The following STAT6 variants were observed in gnomAD, a reference collection of about 807,000 sequenced individuals.
STAT6 encodes the protein STAT, interleukin4-induced.
Under a neutral mutation model 106.3 loss-of-function variants are expected in STAT6, and 45 were observed. That is an observed-to-expected ratio of 0.42 (90% CI 0.33 to 0.54). The LOEUF is 0.54. Among genes scored for constraint, STAT6 ranks in the 20% least tolerant of loss-of-function variants. STAT6 has a pLI of 0.06. For synonymous variants in STAT6, 413 were observed against 413.6 expected, an observed-to-expected ratio of 1.00 and a Z score of 0.02; for missense variants, 797 against 1,062.2, an observed-to-expected ratio of 0.75 and a Z score of 3.47.
At position 57,106,515 on chromosome 12, in the gene STAT6, GC is replaced by G; in HGVS notation, c.531+12del. ...CTTTGACCAAGGTCTCCACCTGTCA[GC>G]CCATTACTCACCTCACTTGGCCCAG... On this transcript the variant is annotated intron_variant, in intron 6 of 21. Coordinates refer to ENST00000300134, the MANE Select transcript of STAT6 (RefSeq NM_003153.5). 6 of 1,614,016 alleles carry G rather than the reference GC, an allele frequency of 3.7e-6. No individual in the cohort carries two copies. Among genetic ancestry groups the G allele is most frequent in the Non-Finnish European group, 5.1e-6 (6 of 1,179,962 alleles).
chr12:57,096,388 A>G lies in STAT6; in HGVS notation c.*184T>C. 1.6e-6 allele frequency: 1 copy of G among 621,282 alleles called. No individual in the cohort carries two copies. Among genetic ancestry groups the G allele is most frequent in the Non-Finnish European group, 2.8e-6 (1 of 353,396 alleles). The allele number at this position is 621,282 out of a possible 1,614,324, so 38.5% of individuals were successfully genotyped here. A position where few individuals can be genotyped will look rare whatever the true frequency, so the allele number is the denominator to read the frequency against. On this transcript the variant is annotated 3_prime_UTR_variant, in exon 22 of 22. Transcript: ENST00000300134. ...GTGGGCAGGGGAATGATAGAAAGGA[A>G]GGAGTGGATTGGCTCCACCCACTGT...
In STAT6 at chr12:57,099,537, G is replaced by A; in HGVS notation, c.1745-97C>T. ...ACCTGTTCTCACTCCACCAAGGCAA[G>A]GGAGAGAGGACCTAGGGTGGGGCTC... is the stretch of plus-strand genomic sequence containing the variant. On this transcript the variant is annotated intron_variant, in intron 15 of 21. Coordinates refer to ENST00000300134, the MANE Select transcript of STAT6 (RefSeq NM_003153.5). The surrounding 1 kb of genome is among the most constrained non-coding windows in gnomAD (Gnocchi z 4.7). The A allele has an allele frequency of 6.5e-7, 1 of 1,546,908 alleles. No homozygotes were observed. The highest frequency in any genetic ancestry group is 8.8e-7 in the Non-Finnish European group (1 of 1,131,970).
Position 57,107,402 on chromosome 12 carries a change from T to C in STAT6, c.256-88A>G, listed in dbSNP as rs932952766. 5 of 1,383,034 alleles carry C rather than the reference T, an allele frequency of 3.6e-6. No individual in the cohort carries two copies. The African/African-American group carries it at 4.3e-5, about 12-fold the overall frequency. The allele number at this position is 1,383,034 out of a possible 1,614,324, so 85.7% of individuals were successfully genotyped here. A position where few individuals can be genotyped will look rare whatever the true frequency, so the allele number is the denominator to read the frequency against. ...ATCCCCAGGCCTGCATTCACACATA[T>C]ACTATAAGGAAGCACAACTGTAGAC... On this transcript the variant is annotated intron_variant, in intron 3 of 21. Coordinates refer to ENST00000300134, the MANE Select transcript of STAT6 (RefSeq NM_003153.5).
At chr12:57,110,229 C>T (rs1157721234) in intron 1 of STAT6, 1 of 152,402 alleles carries the variant, frequency 6.6e-6, no homozygotes, top group Non-Finnish European at 1.5e-5. Flanking sequence ...CCCTCTTCTT[C>T]CCCAGCCATC....
In STAT6 at chr12:57,099,571, G is replaced by C. The variant is rs993091961; in HGVS notation, c.1745-131C>G. The stretch of plus-strand genomic sequence containing the variant: ...GACCTAGGGTGGGGCTCCTGAGGGA[G>C]AGAGACCCACTAGTCTCCGTTCCCA... On this transcript the variant is annotated intron_variant, in intron 15 of 21. Coordinates refer to ENST00000300134, the MANE Select transcript of STAT6 (RefSeq NM_003153.5). The surrounding 1 kb of genome is among the most constrained non-coding windows in gnomAD (Gnocchi z 4.7). The C allele has an allele frequency of 1.7e-5, 24 of 1,399,606 alleles. No individual in the cohort carries two copies. The highest frequency in any genetic ancestry group is 2.3e-5 in the Non-Finnish European group (23 of 1,020,448). The allele number at this position is 1,399,606 out of a possible 1,614,324, so 86.7% of individuals were successfully genotyped here.
rs1057211124 is a variant in STAT6, at chr12:57,105,154, C to T, written c.998G>A (p.Gly333Glu). Residue 333 changes from glycine to glutamate, a missense_variant, in exon 9 of 22, where the codon GGA becomes GAA. Around this residue, in one of 4 missense-constraint regions of STAT6, gnomAD observed 336 missense variants for 429.8 expected, o/e 0.78. Transcript: ENST00000300134. ...CCCAGGTCCAATCCCAGCTTACGCT[C>T]CAGCCCCAGGACCCTGAGGCACACT... ...ELSVPQGPGA[G>E]AESTGEIINN... 1.2e-6 allele frequency: 2 copies of T among 1,609,986 alleles called. No individual in the cohort carries two copies. The highest frequency in any genetic ancestry group is 8.5e-7 in the Non-Finnish European group (1 of 1,177,728).
intron 13 of STAT6, 144 bp downstream of exon 13, chr12:57,102,146 G>A: frequency 2.3e-6 from 2 of 877,580 alleles, no homozygotes; most frequent in East Asian, 2.5e-5. Context: ...TTTCCTCCCT[G>A]GTCCATGACA....
In STAT6 at chr12:57,102,698, G is replaced by C. The variant is rs942416325; in HGVS notation, c.1305+131C>G. On this transcript the variant is annotated intron_variant, in intron 12 of 21. Coordinates refer to ENST00000300134, the MANE Select transcript of STAT6 (RefSeq NM_003153.5). The stretch of plus-strand genomic sequence containing the variant: ...GTGAAAAGAGGTCAGAAGCACGAAA[G>C]CAGGCCCATGAGAAAGTGTTAAGGT... 5.4e-5 allele frequency: 50 copies of C among 922,264 alleles called. No individual in the cohort carries two copies. The African/African-American group carries it at 7.9e-4, about 15-fold the overall frequency. 57.1% of individuals were successfully genotyped at this position (922,264 alleles called of 1,614,324 possible). A position where few individuals can be genotyped will look rare whatever the true frequency, so the allele number is the denominator to read the frequency against.
chr12:57,096,993 C>T lies in STAT6; in HGVS notation c.2226-15G>A, dbSNP rs751600272. On this transcript the variant is annotated splice_polypyrimidine_tract_variant and intron_variant, in intron 20 of 21. Transcript: ENST00000300134. ...GCAGCAGGCCCCTGCCAGGAACCAG[C>T]AATGGAAATAAGGAGAGCGGGGCAA... is the stretch of plus-strand genomic sequence containing the variant. The T allele has an allele frequency of 5.6e-6, 9 of 1,612,002 alleles. No individual in the cohort carries two copies. The East Asian group carries it at 6.7e-5, about 12-fold the overall frequency.
Position 57,106,277 on chromosome 12 carries a change from C to A in STAT6, c.594G>T (p.Leu198=), listed in dbSNP as rs2034272293. The A allele has an allele frequency of 6.2e-7, 1 of 1,614,142 alleles. No homozygotes were observed. The highest frequency in any genetic ancestry group is 1.3e-5 in the African/African-American group (1 of 74,954). The change falls in exon 7 of 22, where the codon CTG becomes CTT. Residue 198 remains leucine (L), a synonymous_variant. Coordinates refer to ENST00000300134, the MANE Select transcript of STAT6 (RefSeq NM_003153.5). Reference sequence around the variant, plus strand: ...GCCGTTTCCAAATCTGGATCCTCTTCAGCACTAGGGCTTTGGCTGCCTCTA... The same window carrying A: ...GCCGTTTCCAAATCTGGATCCTCTTAAGCACTAGGGCTTTGGCTGCCTCTA... ...GELEAAKALV[L]KRIQIWKRQQ... is the part of the protein sequence containing the mutation.
intron 1 of STAT6, among the ~76,000 whole-genome samples, chr12:57,108,540 G>C (rs2034411184): frequency 6.6e-6 from 1 of 152,256 alleles, no homozygotes; most frequent in African/African-American, 2.4e-5. Flanking sequence ...GAGGCAAAGG[G>C]AGACAGGGCA....
At chr12:57,102,755 C>A in intron 12 of STAT6, 74 bp downstream of exon 12, 2 of 1,264,920 alleles carry the variant, frequency 1.6e-6, no homozygotes, top group Non-Finnish European at 2.3e-6. Flanking sequence ...ACCACCCCAT[C>A]AGCAGGCCTG....
intron 10 of STAT6, 66 bp downstream of exon 10, chr12:57,104,660 C>T: frequency 6.2e-7 from 1 of 1,612,700 alleles, no homozygotes; most frequent in Non-Finnish European, 8.5e-7. Context: ...TTCCTGACAT[C>T]CTCTCCAAGG....
chr12:57,098,557 A>G lies in STAT6; in HGVS notation c.2107T>C (p.Tyr703His). 6.2e-7 allele frequency: 1 copy of G among 1,614,124 alleles called. No homozygotes were observed. Among genetic ancestry groups the G allele is most frequent in the Non-Finnish European group, 8.5e-7 (1 of 1,180,030 alleles). ...GATTCTTCTGGGGAGAGGCCTTGAT[A>G]CGGGGGGATGGAGTGAGAGTGTGGT... is the stretch of plus-strand genomic sequence containing the variant. The part of the protein sequence containing the change: ...YPPHSHSIPP[Y>H]QGLSPEESVN... Residue 703 changes from tyrosine to histidine, a missense_variant, in exon 19 of 22, where the codon TAT (tyrosine) becomes CAT (histidine). Tyr to His is a moderately conservative substitution (Grantham distance 83). Coordinates refer to ENST00000300134, the MANE Select transcript of STAT6 (RefSeq NM_003153.5).
intron 13 of STAT6, among the ~76,000 whole-genome samples, chr12:57,101,386 CTT>C (rs60908631): frequency 0.012 from 1,444 of 120,728 alleles, 8 homozygotes; most frequent in Middle Eastern, 0.019. Context: ...CACACCTAGC[CTT>C]TTTTTTTTTT....
rs776020496 is a variant in STAT6 at position 57,097,068 on chromosome 12, T to G, written c.2225A>C (p.Gln742Pro). The change falls in exon 20 of 22, where the codon CAG becomes CCG. Residue 742 changes from glutamine to proline, a missense_variant and splice_region_variant. Transcript: ENST00000300134. ...MSLPFDQPHP[Q>P]GLLPCQPQEH... ...GGTCAGGAGGGGCTTTGTCACTCACTGGGGGTGAGGCTGGTCAAAGGGCAG... is the reference window on the plus strand; with the variant it reads ...GGTCAGGAGGGGCTTTGTCACTCACGGGGGGTGAGGCTGGTCAAAGGGCAG... 2 of 1,556,738 alleles carry G rather than the reference T, an allele frequency of 1.3e-6. No individual in the cohort carries two copies. The highest frequency in any genetic ancestry group is 1.7e-6 in the Non-Finnish European group (2 of 1,150,082).
In STAT6 at chr12:57,097,131, G is replaced by A. The variant is rs1004244468; in HGVS notation, c.2162C>T (p.Pro721Leu). The A allele has an allele frequency of 1.3e-6, 2 of 1,513,602 alleles. No individual in the cohort carries two copies. Among genetic ancestry groups the A allele is most frequent in the Middle Eastern group, 1.9e-4 (1 of 5,260 alleles). 93.8% of individuals were successfully genotyped at this position (1,513,602 alleles called of 1,614,324 possible). The change falls in exon 20 of 22, where the codon CCT becomes CTT. Residue 721 changes from proline (P) to leucine (L), a missense_variant and splice_region_variant. Physicochemically the swap from Pro to Leu is moderately conservative, Grantham distance 98. Transcript: ENST00000300134. ...SVNVLSAFQE[P>L]HLQMPPSLGQ... ...CAGGCTGGGGGGCATCTGCAGGTGA[G>A]GCCTGGAAGTAGGGAGAGCACAGTT...
intron 3 of STAT6, 80 bp downstream of exon 3, chr12:57,107,525 C>T: frequency 6.5e-7 from 1 of 1,537,870 alleles, no homozygotes; most frequent in Non-Finnish European, 8.8e-7. Flanking sequence ...AGCATCCAAC[C>T]AATTTTCTTC....
intron 1 of STAT6, among the ~76,000 whole-genome samples, chr12:57,108,908 A>G (rs966329925): frequency 1.3e-5 from 2 of 152,186 alleles, no homozygotes; most frequent in African/African-American, 2.4e-5. Context: ...TTTGAAAACC[A>G]CAAGGCTCGG....
Sources: allele counts gnomAD v4.1 joint callset (sites outside exome capture counted in the v4.1 genomes callset), GRCh38; gene constraint gnomAD v4.1.1; regional missense constraint gnomAD v4.1.1; non-coding constraint Gnocchi (gnomAD v3.1); transcripts MANE v1.5; gene names NCBI Gene and HGNC (gene_info 2026-07-23, HGNC 2026-07-21).